HPN: variants seen among roughly 807,000 people sequenced by gnomAD.
The protein encoded by HPN is serine protease hepsin.
Under a neutral mutation model 55.9 loss-of-function variants are expected in HPN, and 13 were observed. The ratio of observed to expected loss-of-function variants is 0.23; its 90% CI spans 0.15 to 0.37. The LOEUF (loss-of-function observed/expected upper bound fraction) is 0.37. HPN is among the 10% of genes least tolerant of loss of function. The pLI, the probability that HPN is intolerant of heterozygous loss-of-function variation, is 1.00. For synonymous variants in HPN, 225 were observed against 240.3 expected, an observed-to-expected ratio of 0.94 and a Z score of 0.59; for missense variants, 451 against 575.8, an observed-to-expected ratio of 0.78 and a Z score of 2.22.
intron 1 of HPN, 49 bp from the exon 2 acceptor site, chr19:35,042,404 G>C (rs903386350): frequency 4.6e-6 from 7 of 1,516,806 alleles, no homozygotes; most frequent in South Asian, 3.9e-5. Flanking sequence ...CCAGGACTGG[G>C]CTGGGCTGGG....
chr19:35,048,082 A>AAGAAAGAAAGAAAGAAAGAAAAGGAAGG (rs111546288), intron 2 of HPN, among the ~76,000 whole-genome samples: 16 of 97,030 alleles, frequency 1.6e-4, no homozygotes, highest in African/African-American at 6.0e-4. Flanking sequence ...GAAAGAAAGA[A>AAGAAAGAAAGAAAGAAAGAAAAGGAAGG]AAGGAAGGAA....
At chr19:35,045,351 G>GA (rs1158966838) in intron 2 of HPN, among the ~76,000 whole-genome samples, 2 of 152,144 alleles carry the variant, frequency 1.3e-5, no homozygotes, top group African/African-American at 4.8e-5. Flanking sequence ...TGGTGTCCCA[G>GA]AAGTCCAAAG....
At position 35,060,231 on chromosome 19, in the gene HPN, G is replaced by T. The variant is rs771386885; in HGVS notation, c.454+62G>T. Reference sequence around the variant, plus strand: ...CCTTGGGGAGGCCACGTCCCCTCAAGCTCCCCAGGATGGGGCCATGTACTT... The same window carrying T: ...CCTTGGGGAGGCCACGTCCCCTCAATCTCCCCAGGATGGGGCCATGTACTT... On this transcript the variant is annotated intron_variant, in intron 7 of 12. Coordinates refer to ENST00000672452, the MANE Select transcript of HPN (RefSeq NM_001384133.1). The T allele has an allele frequency of 3.1e-6, 5 of 1,609,306 alleles. No individual in the cohort carries two copies. In the Admixed American group the frequency reaches 8.3e-5, roughly 27 times the overall value.
At chr19:35,041,589 G>A (rs902198375), upstream of HPN, 98 of 1,140,394 alleles carry the variant, frequency 8.6e-5, no homozygotes, top group Non-Finnish European at 1.0e-4. Context: ...GGCAAGCCCC[G>A]TAGCTGGGCC....
chr19:35,060,499 C>T lies in HPN; in HGVS notation c.607C>T (p.His203Tyr), dbSNP rs1268099251. 1 of 1,612,896 alleles carries T rather than the reference C, an allele frequency of 6.2e-7. No individual in the cohort carries two copies. Among genetic ancestry groups the T allele is most frequent in the Non-Finnish European group, 8.5e-7 (1 of 1,179,830 alleles). ...CGGGGACTGGGTGCTGACAGCCGCCCACTGCTTCCCGGAGTGAGTGCCCCC... is the reference window on the plus strand; with the variant it reads ...CGGGGACTGGGTGCTGACAGCCGCCTACTGCTTCCCGGAGTGAGTGCCCCC... ...LSGDWVLTAA[H>Y]CFPERNRVLS... Residue 203 changes from histidine (H) to tyrosine (Y), a missense_variant, in exon 8 of 13, where the codon CAC becomes TAC. His to Tyr is a moderately conservative substitution (Grantham distance 83, BLOSUM62 2). Coordinates refer to ENST00000672452, the MANE Select transcript of HPN (RefSeq NM_001384133.1).
intron 2 of HPN, 59 bp downstream of exon 2, chr19:35,042,581 T>C (rs2064305027): frequency 7.0e-7 from 1 of 1,437,356 alleles, no homozygotes; most frequent in Non-Finnish European, 9.7e-7. Context: ...CCCTCTGTGC[T>C]CTTTTCTCTA....
chr19:35,056,037 C>T (rs946076366), intron 4 of HPN, among the ~76,000 whole-genome samples: 1 of 152,292 alleles, frequency 6.6e-6, no homozygotes, highest in South Asian at 2.1e-4. Flanking sequence ...GGAGCACTCC[C>T]CCCAGTCCCC....
chr19:35,049,578 G>A (rs944181366), intron 4 of HPN, 62 bp downstream of exon 4: 3 of 1,427,552 alleles, frequency 2.1e-6, no homozygotes, highest in Non-Finnish European at 2.9e-6. Context: ...TCTGGCGGGA[G>A]CTCAACAAGC....
intron 9 of HPN, among the ~76,000 whole-genome samples, 177 bp from the exon 10 acceptor site, chr19:35,065,073 C>G (rs950779808): frequency 6.6e-6 from 1 of 152,092 alleles, no homozygotes; most frequent in Non-Finnish European, 1.5e-5. Context: ...CCTCCTGCCT[C>G]GGCCTCCCAA....
chr19:35,050,467 G>C, intron 4 of HPN: 2 of 1,282,864 alleles, frequency 1.6e-6, no homozygotes, highest in Non-Finnish European at 2.0e-6. Flanking sequence ...GAGGACCAGA[G>C]AGGACATGCA....
chr19:35,042,402 G>A, intron 1 of HPN, 51 bp from the exon 2 acceptor site: 1 of 1,515,672 alleles, frequency 6.6e-7, no homozygotes, highest in Non-Finnish European at 8.8e-7. Flanking sequence ...CGCCAGGACT[G>A]GGCTGGGCTG....
intron 9 of HPN, among the ~76,000 whole-genome samples, chr19:35,063,072 C>A (rs1041819200): frequency 6.6e-6 from 1 of 152,210 alleles, no homozygotes; most frequent in Non-Finnish European, 1.5e-5. Context: ...GTGTGCCAGG[C>A]ACCATTCCAA....
intron 2 of HPN, among the ~76,000 whole-genome samples, chr19:35,048,866 C>T (rs889899642): frequency 5.9e-5 from 9 of 152,098 alleles, no homozygotes; most frequent in African/African-American, 2.2e-4. Flanking sequence ...ACAGCAGAAA[C>T]GACTGAGGCA....
chr19:35,047,722 G>A lies in HPN; in HGVS notation c.17-1568G>A, dbSNP rs566633482. ...GATGAAAAAACTGAGGGTCAGGCGCGGTGGCTCACGCCTGCAATTCCAACA... is the reference window on the plus strand; with the variant it reads ...GATGAAAAAACTGAGGGTCAGGCGCAGTGGCTCACGCCTGCAATTCCAACA... On this transcript the variant is annotated intron_variant, in intron 2 of 12. Coordinates refer to ENST00000672452, the MANE Select transcript of HPN (RefSeq NM_001384133.1). Among the ~76,000 whole-genome samples, 44 of 152,116 alleles carry A rather than the reference G, an allele frequency of 2.9e-4. 1 individual carries two copies. The highest frequency in any genetic ancestry group is 2.4e-3 in the Admixed American group (37 of 15,270).
At chr19:35,053,601 C>T (rs1361531170) in intron 4 of HPN, among the ~76,000 whole-genome samples, 2 of 152,152 alleles carry the variant, frequency 1.3e-5, no homozygotes, top group African/African-American at 4.8e-5. Flanking sequence ...AAAAATTAGC[C>T]GGGCGTGGTG....
At position 35,049,373 on chromosome 19, in the gene HPN, G is replaced by A; in HGVS notation, c.100G>A (p.Ala34Thr). ...GTLLLLTAIG[A>T]ASWAIVAVLL... ...CCTGCTACTTCTGACAGCCATCGGGGCGGCATCCTGGGCCATTGGTGAGAG... is the reference window on the plus strand; with the variant it reads ...CCTGCTACTTCTGACAGCCATCGGGACGGCATCCTGGGCCATTGGTGAGAG... Residue 34 changes from alanine to threonine, a missense_variant, in exon 3 of 13, where the codon GCG (alanine) becomes ACG (threonine). By Grantham distance (58) the Ala-to-Thr change is moderately conservative. This residue lies in a region of HPN where 378 missense variants were observed against 445.5 expected (regional missense o/e 0.85). Transcript: ENST00000672452. The A allele has an allele frequency of 6.2e-7, 1 of 1,604,656 alleles. No individual in the cohort carries two copies. Among genetic ancestry groups the A allele is most frequent in the Non-Finnish European group, 8.5e-7 (1 of 1,174,148 alleles).
intron 4 of HPN, chr19:35,050,504 C>T: frequency 7.8e-7 from 1 of 1,289,050 alleles, no homozygotes; most frequent in Non-Finnish European, 1.0e-6. Flanking sequence ...CCAGGAACAG[C>T]TCTTAGACTT....
At chr19:35,059,337 T>C (rs8103570) in intron 4 of HPN, 337,836 of 429,562 alleles carry the variant, frequency 0.79, 133,403 homozygotes, top group East Asian at 0.87. Flanking sequence ...AAAAAATTAG[T>C]CAGGTGTGGT....
chr19:35,045,724 G>C (rs1012679245), intron 2 of HPN, among the ~76,000 whole-genome samples: 1 of 150,760 alleles, frequency 6.6e-6, no homozygotes, highest in Non-Finnish European at 1.5e-5. Flanking sequence ...GATGCTGCCT[G>C]TCCCAGTAGA....
Sources: allele counts gnomAD v4.1 joint callset (sites outside exome capture counted in the v4.1 genomes callset), GRCh38; gene constraint gnomAD v4.1.1; regional missense constraint gnomAD v4.1.1; transcripts MANE v1.5; gene names NCBI Gene and HGNC (gene_info 2026-07-23, HGNC 2026-07-21).